The following CSMD1 variants were observed in gnomAD, a reference collection of about 807,000 sequenced individuals.
The protein encoded by CSMD1 is CUB and Sushi multiple domains 1, also known as CUB and sushi domain-containing protein 1.
CSMD1 carries 213 observed loss-of-function variants against 417.5 expected under a neutral mutation model. The observed-to-expected ratio is 0.51, with a 90% CI of 0.46 to 0.57. The LOEUF (loss-of-function observed/expected upper bound fraction) is 0.57. Among genes scored for constraint, CSMD1 ranks in the 20% least tolerant of loss-of-function variants. The pLI is 0.00. For synonymous variants in CSMD1, 2,862 were observed against 1,736.8 expected, an observed-to-expected ratio of 1.65 and a Z score of -16.11; for missense variants, 6,923 against 4,529.7, an observed-to-expected ratio of 1.53 and a Z score of -15.17.
intron 3 of CSMD1, among the ~76,000 whole-genome samples, chr8:4,258,717 G>C (rs1404121228): frequency 6.6e-6 from 1 of 151,936 alleles, no homozygotes; most frequent in Admixed American, 6.6e-5. Flanking sequence ...CTGGGATGAG[G>C]GGTGGAACAC....
In CSMD1 at chr8:3,091,385, T is replaced by G. The variant is rs559659387; in HGVS notation, c.7285+131A>C. The G allele has an allele frequency of 2.4e-4, 142 of 596,692 alleles. No individual in the cohort carries two copies. In the African/African-American group the frequency reaches 2.5e-3, roughly 11 times the overall value. The allele number at this position is 596,692 out of a possible 1,614,324, so 37.0% of individuals were successfully genotyped here. A position where few individuals can be genotyped will look rare whatever the true frequency, so the allele number is the denominator to read the frequency against. On this transcript the variant is annotated intron_variant, in intron 48 of 69. Transcript: ENST00000635120. Reference sequence around the variant, plus strand: ...TTCAGAATAATTACCCATCATATATTTCTACTGTAGTTAATTATTAATCTT... The same window carrying G: ...TTCAGAATAATTACCCATCATATATGTCTACTGTAGTTAATTATTAATCTT...
chr8:4,733,366 C>G (rs751197510), intron 1 of CSMD1, among the ~76,000 whole-genome samples: 6 of 152,176 alleles, frequency 3.9e-5, no homozygotes, highest in Non-Finnish European at 7.3e-5. Context: ...GCCTTTTACC[C>G]TAGCAGGTTA....
chr8:4,479,238 A>G (rs772176892), intron 2 of CSMD1, among the ~76,000 whole-genome samples: 34 of 152,190 alleles, frequency 2.2e-4, no homozygotes, highest in Non-Finnish European at 4.0e-4. Context: ...ACATATTAAT[A>G]TTGCCAGCAT....
intron 3 of CSMD1, among the ~76,000 whole-genome samples, chr8:4,101,061 G>A (rs749780573): frequency 6.6e-6 from 1 of 152,142 alleles, no homozygotes; most frequent in South Asian, 2.1e-4. Context: ...GATGATGCCA[G>A]AGACGAGACG....
intron 26 of CSMD1, among the ~76,000 whole-genome samples, chr8:3,237,575 T>TTTTTATACTTATACTATAAATATAA (rs1799226829): frequency 1.9e-5 from 2 of 103,876 alleles, no homozygotes; most frequent in African/African-American, 6.2e-5. Flanking sequence ...ATAAATATAA[T>TTTTTATACTTATACTATAAATATAA]TTTTATACTT....
rs554520575 is a variant in CSMD1, at chr8:3,503,489, T to A, written c.1345-9763A>T. Among the ~76,000 whole-genome samples the A allele has an allele frequency of 1.2e-3, 180 of 152,366 alleles. 1 individual carries two copies. The highest frequency in any genetic ancestry group is 4.0e-3 in the African/African-American group (166 of 41,602). On this transcript the variant is annotated intron_variant, in intron 10 of 69. Transcript: ENST00000635120. ...GCAGTCTTGGGACGGCGGCATCAGC[T>A]GGCAGGAAGCCAAGAAACTTGGTAT...
intron 7 of CSMD1, among the ~76,000 whole-genome samples, chr8:3,696,876 A>G (rs2623591): frequency 6.6e-6 from 1 of 152,026 alleles, no homozygotes; most frequent in Non-Finnish European, 1.5e-5. Context: ...TGTAGCTCAT[A>G]TGAACTCCCA....
chr8:3,600,625 G>A (rs1326188514), intron 8 of CSMD1, among the ~76,000 whole-genome samples: 1 of 152,140 alleles, frequency 6.6e-6, no homozygotes, highest in Non-Finnish European at 1.5e-5. Context: ...TGGTGGCAGT[G>A]GAAAACGACT....
intron 1 of CSMD1, among the ~76,000 whole-genome samples, chr8:4,777,863 C>G (rs138806841): frequency 1.4e-3 from 220 of 152,332 alleles, no homozygotes; most frequent in African/African-American, 5.0e-3. Context: ...ATGCACTTGA[C>G]TTCTGACACA....
chr8:4,641,657 C>G (rs1230033639), intron 1 of CSMD1, among the ~76,000 whole-genome samples: 2 of 152,202 alleles, frequency 1.3e-5, no homozygotes, highest in Non-Finnish European at 2.9e-5. Flanking sequence ...CCAGTTATAT[C>G]TCCACGAACA....
At chr8:4,426,877 G>A (rs1182924676) in intron 2 of CSMD1, among the ~76,000 whole-genome samples, 1 of 151,542 alleles carries the variant, frequency 6.6e-6, no homozygotes, top group African/African-American at 2.4e-5. Context: ...AAGTGGGAAG[G>A]GGTATTAGTA....
intron 2 of CSMD1, among the ~76,000 whole-genome samples, chr8:4,635,496 A>C (rs918664092): frequency 3.9e-5 from 6 of 152,154 alleles, no homozygotes; most frequent in Non-Finnish European, 7.4e-5. Context: ...AAAGAACTAG[A>C]GTAAATAAAA....
intron 3 of CSMD1, among the ~76,000 whole-genome samples, chr8:4,042,995 G>A (rs1308137551): frequency 6.6e-6 from 1 of 151,736 alleles, no homozygotes; most frequent in Non-Finnish European, 1.5e-5. Flanking sequence ...AGCTGGGTGT[G>A]GTGACTTGCA....
chr8:4,162,925 G>T (rs571981425), intron 3 of CSMD1, among the ~76,000 whole-genome samples: 2 of 152,098 alleles, frequency 1.3e-5, no homozygotes, highest in Non-Finnish European at 1.5e-5. Context: ...TGCAACCACT[G>T]GTCTTTTTAC....
Position 4,074,554 on chromosome 8 carries a change from T to C in CSMD1, c.416-42455A>G, listed in dbSNP as rs79725619. ...CATGAGCTACCATAAATATTCCCAGTGGAAGTTAAAGGATCCGACATAAAT... is the reference window on the plus strand; with the variant it reads ...CATGAGCTACCATAAATATTCCCAGCGGAAGTTAAAGGATCCGACATAAAT... On this transcript the variant is annotated intron_variant, in intron 3 of 69. Transcript: ENST00000635120. Among the ~76,000 whole-genome samples the C allele has an allele frequency of 5.4e-3, 821 of 152,222 alleles. 7 individuals are homozygous for C. The highest frequency in any genetic ancestry group is 0.019 in the African/African-American group (782 of 41,558).
chr8:3,815,748 GA>G (rs1380073711), intron 5 of CSMD1, among the ~76,000 whole-genome samples: 3 of 151,654 alleles, frequency 2.0e-5, no homozygotes, highest in African/African-American at 7.3e-5. Flanking sequence ...ACATAACATG[GA>G]AAGTCATAAA....
chr8:4,022,027 C>G (rs543747782), intron 4 of CSMD1, among the ~76,000 whole-genome samples: 1 of 151,430 alleles, frequency 6.6e-6, no homozygotes, highest in South Asian at 2.1e-4. Context: ...CTGGAAAGTC[C>G]AGGTGCCTAT....
At chr8:3,272,686 C>A (rs189459205) in intron 26 of CSMD1, among the ~76,000 whole-genome samples, 2 of 130,578 alleles carry the variant, frequency 1.5e-5, no homozygotes. Flanking sequence ...TTATTCTCTT[C>A]GAAGCAATTG....
chr8:4,285,999 C>A (rs992504869), intron 3 of CSMD1, among the ~76,000 whole-genome samples: 1 of 152,156 alleles, frequency 6.6e-6, no homozygotes, highest in Non-Finnish European at 1.5e-5. Flanking sequence ...CCTCTGACAG[C>A]AAGCAGGTTT....
Sources: gnomAD v4.1 joint callset for allele counts (sites outside exome capture counted in the v4.1 genomes callset) on GRCh38, gnomAD v4.1.1 for gene constraint, MANE v1.5 for transcripts, NCBI Gene and HGNC (gene_info 2026-07-23, HGNC 2026-07-21) for gene names.